Variants in RETREG3 observed in about 807,000 individuals in gnomAD.
RETREG3 encodes reticulophagy regulator family member 3.
In RETREG3, 23 loss-of-function variants were observed where a neutral mutation model predicts 50.2. That is an observed-to-expected ratio of 0.46 (90% CI 0.33 to 0.65). The LOEUF (loss-of-function observed/expected upper bound fraction) is 0.65, where lower values mean the gene tolerates loss of function less well. Among genes scored for constraint, RETREG3 ranks in the 30% least tolerant of loss-of-function variants. The pLI, the probability that RETREG3 is intolerant of heterozygous loss-of-function variation, is 0.02. For synonymous variants in RETREG3, 240 were observed against 234.4 expected, an observed-to-expected ratio of 1.02 and a Z score of -0.22; for missense variants, 546 against 598.0, an observed-to-expected ratio of 0.91 and a Z score of 0.91.
chr17:42,602,749 C>G (rs1022362014), intron 1 of RETREG3, among the ~76,000 whole-genome samples: 2 of 152,092 alleles, frequency 1.3e-5, no homozygotes, highest in Non-Finnish European at 2.9e-5. Flanking sequence ...CAAGACCAGC[C>G]TGGGCAACAT....
At chr17:42,595,797 C>T in intron 1 of RETREG3, among the ~76,000 whole-genome samples, 1 of 149,782 alleles carries the variant, frequency 6.7e-6, no homozygotes, top group Non-Finnish European at 1.5e-5. Context: ...CCTCAGCGCG[C>T]TGAGGCAGGA....
At position 42,582,108 on chromosome 17, in the gene RETREG3, G is replaced by A; in HGVS notation, c.1106C>T (p.Ala369Val). 6.2e-7 allele frequency: 1 copy of A among 1,614,116 alleles called. No homozygotes were observed. The highest frequency in any genetic ancestry group is 8.5e-7 in the Non-Finnish European group (1 of 1,180,040). The change falls in exon 9 of 9, where the codon GCC (alanine) becomes GTC (valine). Residue 369 changes from alanine to valine, a missense_variant. Coordinates refer to ENST00000309428, the MANE Select transcript of RETREG3 (RefSeq NM_178126.4). ...RSPPGAEEPQ[A>V]PPASRDEAAL... ...AGCCTCGTCCCGGCTGGCAGGTGGG[G>A]CCTGGGGCTCCTCAGCCCCTGGCGG...
At chr17:42,601,788 C>T (rs907276898) in intron 1 of RETREG3, among the ~76,000 whole-genome samples, 2 of 151,222 alleles carry the variant, frequency 1.3e-5, no homozygotes, top group African/African-American at 4.8e-5. Flanking sequence ...CATGCGCCAC[C>T]ATGCCCGGCT....
At chr17:42,589,347 G>A (rs974918852) in intron 2 of RETREG3, among the ~76,000 whole-genome samples, 1 of 152,114 alleles carries the variant, frequency 6.6e-6, no homozygotes, top group Non-Finnish European at 1.5e-5. Flanking sequence ...CAACTTTCCT[G>A]TCTGCCTTTG....
chr17:42,608,987 G>T, intron 1 of RETREG3, 99 bp downstream of exon 1: 1 of 1,226,996 alleles, frequency 8.1e-7, no homozygotes, highest in Non-Finnish European at 1.1e-6. Flanking sequence ...ACAGGAAGGA[G>T]CCAGTGCAGC....
At chr17:42,587,771 A>G in intron 3 of RETREG3, 63 bp downstream of exon 3, 1 of 1,595,158 alleles carries the variant, frequency 6.3e-7, no homozygotes, top group Non-Finnish European at 8.6e-7. Context: ...AACAACATGT[A>G]ACCAGAATAT....
intron 1 of RETREG3, among the ~76,000 whole-genome samples, chr17:42,593,041 A>C (rs2093136223): frequency 6.6e-6 from 1 of 152,174 alleles, no homozygotes; most frequent in Non-Finnish European, 1.5e-5. Flanking sequence ...AATGCTTCTC[A>C]AACTCTTCCA....
intron 7 of RETREG3, among the ~76,000 whole-genome samples, chr17:42,583,067 C>T (rs1016567343): frequency 2.0e-5 from 3 of 152,134 alleles, no homozygotes; most frequent in Non-Finnish European, 2.9e-5. Context: ...TTCATAACCT[C>T]TTAAGCACAG....
intron 1 of RETREG3, among the ~76,000 whole-genome samples, chr17:42,597,752 T>C (rs2093150523): frequency 1.4e-5 from 2 of 147,214 alleles, no homozygotes; most frequent in Non-Finnish European, 3.0e-5. Context: ...TGCCTCAGCC[T>C]CCTGAGTAGC....
intron 1 of RETREG3, among the ~76,000 whole-genome samples, chr17:42,607,603 G>T (rs1172518702): frequency 3.3e-5 from 5 of 150,564 alleles, no homozygotes; most frequent in Non-Finnish European, 7.4e-5. Flanking sequence ...TCGGGAGTTC[G>T]AGACCAGCCT....
intron 1 of RETREG3, among the ~76,000 whole-genome samples, chr17:42,607,865 A>C (rs966888922): frequency 1.3e-5 from 2 of 152,046 alleles, no homozygotes; most frequent in Non-Finnish European, 2.9e-5. Context: ...TGGTAGGAAA[A>C]GTTTACCATC....
chr17:42,597,507 GTGTGTGTGTGTGTGTGTA>G lies in RETREG3; in HGVS notation c.240-5363_240-5346del, dbSNP rs2093147791. On this transcript the variant is annotated intron_variant, in intron 1 of 8. Coordinates refer to ENST00000309428, the MANE Select transcript of RETREG3 (RefSeq NM_178126.4). ...CAGCCAGAATCTATTTTGTGTGTGT[GTGTGTGTGTGTGTGTGTA>G]TATATATATATATATATTTCGTATA... Among the ~76,000 whole-genome samples, 3 of 121,302 alleles carry G rather than the reference GTGTGTGTGTGTGTGTGTA, an allele frequency of 2.5e-5. No individual in the cohort carries two copies. The East Asian group carries it at 7.6e-4, about 31-fold the overall frequency. The allele number at this position is 121,302 out of a possible 152,430, so 79.6% of individuals were successfully genotyped here.
chr17:42,586,297 G>A, intron 4 of RETREG3, 160 bp from the exon 5 acceptor site: 1 of 648,756 alleles, frequency 1.5e-6, no homozygotes. Context: ...GGAAGAAAAG[G>A]AGCATGTCCC....
intron 1 of RETREG3, among the ~76,000 whole-genome samples, chr17:42,605,447 ACAGT>A (rs549556895): frequency 3.7e-4 from 57 of 152,198 alleles, no homozygotes; most frequent in Non-Finnish European, 6.6e-4. Flanking sequence ...TGTTAACTGA[ACAGT>A]CAGTCACTCT....
intron 6 of RETREG3, among the ~76,000 whole-genome samples, chr17:42,584,448 G>A (rs1241264023): frequency 1.3e-5 from 2 of 152,088 alleles, no homozygotes; most frequent in East Asian, 3.9e-4. Context: ...AACCTCTGAG[G>A]CAGCAGTTTT....
chr17:42,586,072 A>G lies in RETREG3; in HGVS notation c.570T>C (p.Leu190=), dbSNP rs2093120635. The G allele has an allele frequency of 6.2e-7, 1 of 1,614,188 alleles. No homozygotes were observed. Among genetic ancestry groups the G allele is most frequent in the Non-Finnish European group, 8.5e-7 (1 of 1,180,026 alleles). Residue 190 remains leucine (L), a synonymous_variant, in exon 5 of 9, where the codon CTT becomes CTC. Transcript: ENST00000309428. The part of the protein sequence containing the change: ...LAVLGRYVPG[L]LLSYLMLVTV... ...ACTTACGCATCAAGTAGGACAGCAG[A>G]AGCCCAGGGACGTAGCGGCCCAAGA...
At chr17:42,597,754 C>T (rs1281518913) in intron 1 of RETREG3, among the ~76,000 whole-genome samples, 1 of 148,858 alleles carries the variant, frequency 6.7e-6, no homozygotes, top group Non-Finnish European at 1.5e-5. Flanking sequence ...CCTCAGCCTC[C>T]TGAGTAGCTG....
intron 6 of RETREG3, 60 bp downstream of exon 6, chr17:42,585,065 T>C (rs2093118411): frequency 1.9e-6 from 3 of 1,590,302 alleles, no homozygotes; most frequent in Non-Finnish European, 2.6e-6. Flanking sequence ...GTCAGACCTA[T>C]GGGCTTCTCC....
In RETREG3 at chr17:42,592,111, C is replaced by T. The variant is rs775588336; in HGVS notation, c.291G>A (p.Leu97=). Residue 97 remains leucine (L), a synonymous_variant, in exon 2 of 9, where the codon TTG becomes TTA. Coordinates refer to ENST00000309428, the MANE Select transcript of RETREG3 (RefSeq NM_178126.4). ...ATTGATCAATACACACAATGATCAT[C>T]AAGCCAAATGCAAGTAAAAACACAA... is the stretch of plus-strand genomic sequence containing the variant. ...LRLVFLLAFG[L]MIIVCIDQWK... is the part of the protein sequence containing the mutation. 3 of 1,613,990 alleles carry T rather than the reference C, an allele frequency of 1.9e-6. No individual in the cohort carries two copies. In the East Asian group the frequency reaches 6.7e-5, roughly 36 times the overall value.
Sources: gnomAD v4.1 joint callset for allele counts (sites outside exome capture counted in the v4.1 genomes callset) on GRCh38, gnomAD v4.1.1 for gene constraint, MANE v1.5 for transcripts, NCBI Gene and HGNC (gene_info 2026-07-23, HGNC 2026-07-21) for gene names.